Variants in AKAP12 observed in about 807,000 individuals in gnomAD.
AKAP12 encodes A-kinase anchoring protein 12, also known as A-kinase anchor protein 12.
AKAP12 carries 32 observed loss-of-function variants against 79.9 expected under a neutral mutation model. The ratio of observed to expected loss-of-function variants is 0.40; its 90% CI spans 0.30 to 0.54. The LOEUF (loss-of-function observed/expected upper bound fraction) is 0.54. Among genes scored for constraint, AKAP12 ranks in the 20% least tolerant of loss-of-function variants. The probability of loss-of-function intolerance (pLI) is 0.48; values close to 1 mark genes in which losing one functional copy is unlikely to be tolerated. For missense variants in AKAP12, 2,074 were observed against 2,177.0 expected, an observed-to-expected ratio of 0.95 and a Z score of 0.94; for synonymous variants, 808 against 857.0, an observed-to-expected ratio of 0.94 and a Z score of 1.00.
intron 3 of AKAP12, among the ~76,000 whole-genome samples, chr6:151,347,986 ACGGTGAAACCC>A (rs1778148008): frequency 6.6e-6 from 1 of 151,460 alleles, no homozygotes; most frequent in Non-Finnish European, 1.5e-5. Flanking sequence ...TCTGGCTAAC[ACGGTGAAACCC>A]CGTCTCTATA....
Position 151,349,217 on chromosome 6 carries a change from G to T in AKAP12, c.826G>T (p.Glu276Ter). ...KEEGEEKQEK[E>*]PSKSAESPTS... ...GGAAGGAGAAGAGAAACAAGAAAAA[G>T]AACCTAGCAAGTCTGCAGAATCTCC... Residue 276 changes from glutamate to a stop codon, truncating the protein, a stop_gained, in exon 4 of 5, where the codon GAA (glutamate) becomes TAA (stop). Coordinates refer to ENST00000402676, the MANE Select transcript of AKAP12 (RefSeq NM_005100.4). LOFTEE classifies it high-confidence loss of function. 1 of 1,613,904 alleles carries T rather than the reference G, an allele frequency of 6.2e-7. No individual in the cohort carries two copies. The highest frequency in any genetic ancestry group is 1.1e-5 in the South Asian group (1 of 91,080).
chr6:151,267,043 A>G (rs1582843788), intron 2 of AKAP12, among the ~76,000 whole-genome samples: 7 of 146,270 alleles, frequency 4.8e-5, no homozygotes, highest in South Asian at 4.3e-4. Flanking sequence ...AAAAAAAAGG[A>G]GAACATGAAA....
chr6:151,240,704 G>T lies in AKAP12; in HGVS notation c.142G>T (p.Ala48Ser). The change falls in exon 2 of 5, where the codon GCC (alanine) becomes TCC (serine). Residue 48 changes from alanine to serine, a missense_variant. By Grantham distance (99) the Ala-to-Ser change is moderately conservative. Coordinates refer to ENST00000402676, the MANE Select transcript of AKAP12 (RefSeq NM_005100.4). The stretch of plus-strand genomic sequence containing the variant: ...CACCACCGCGGACCCCGCCATCGCT[G>T]CCTCGGACCCCGCCACCAAGGTACG... ...PDTTADPAIA[A>S]SDPATKLLQK... 8.2e-7 allele frequency: 1 copy of T among 1,219,842 alleles called. No homozygotes were observed. The highest frequency in any genetic ancestry group is 2.7e-5 in the South Asian group (1 of 36,386). 75.6% of individuals were successfully genotyped at this position (1,219,842 alleles called of 1,614,324 possible).
At chr6:151,267,959 C>T (rs1776083564) in intron 2 of AKAP12, among the ~76,000 whole-genome samples, 1 of 152,184 alleles carries the variant, frequency 6.6e-6, no homozygotes, top group South Asian at 2.1e-4. Flanking sequence ...GGTCATCGTC[C>T]TTGTGCCCTC....
chr6:151,264,966 A>T (rs1436822119), intron 2 of AKAP12, among the ~76,000 whole-genome samples: 1 of 152,064 alleles, frequency 6.6e-6, no homozygotes, highest in East Asian at 1.9e-4. Context: ...AGCCTGACCA[A>T]CTGGTGAAAC....
At chr6:151,345,965 A>AGAG (rs1562750514) in intron 3 of AKAP12, among the ~76,000 whole-genome samples, 6 of 125,378 alleles carry the variant, frequency 4.8e-5, no homozygotes, top group Non-Finnish European at 8.2e-5. Context: ...GAGAGAGAGA[A>AGAG]AGGAGAGACA....
At chr6:151,282,361 C>T (rs1280379374) in intron 2 of AKAP12, among the ~76,000 whole-genome samples, 16 of 152,150 alleles carry the variant, frequency 1.1e-4, no homozygotes, top group African/African-American at 2.4e-4. Context: ...CCACCCACCT[C>T]GGCCTCCCAA....
Position 151,240,650 on chromosome 6 carries a change from G to A in AKAP12, c.88G>A (p.Gly30Ser), listed in dbSNP as rs1796953026. 4 of 1,332,970 alleles carry A rather than the reference G, an allele frequency of 3.0e-6. No homozygotes were observed. Among genetic ancestry groups the A allele is most frequent in the South Asian group, 1.9e-5 (1 of 51,496 alleles). The allele number at this position is 1,332,970 out of a possible 1,614,324, so 82.6% of individuals were successfully genotyped here. A position where few individuals can be genotyped will look rare whatever the true frequency, so the allele number is the denominator to read the frequency against. Residue 30 changes from glycine (G) to serine (S), a missense_variant, in exon 2 of 5, where the codon GGC becomes AGC. Transcript: ENST00000402676. ...GCCGGCTGAGCCCGAGCCCAGCGGC[G>A]GCGGCCCCTCGGCCGAGGCGGCGCC... ...STPAEPEPSG[G>S]GPSAEAAPDT...
intron 2 of AKAP12, among the ~76,000 whole-genome samples, chr6:151,259,774 A>C (rs1045045038): frequency 6.6e-6 from 1 of 151,810 alleles, no homozygotes; most frequent in East Asian, 1.9e-4. Context: ...ATGGGGTTTC[A>C]GCATGTTGCC....
At chr6:151,249,272 T>C (rs889101492) in intron 2 of AKAP12, among the ~76,000 whole-genome samples, 1 of 152,228 alleles carries the variant, frequency 6.6e-6, no homozygotes, top group African/African-American at 2.4e-5. Context: ...TGTTGAAGAA[T>C]AGAGTTCTGG....
chr6:151,280,421 C>T (rs570965246), intron 2 of AKAP12: 3 of 152,030 alleles, frequency 2.0e-5, no homozygotes, highest in Admixed American at 6.6e-5. Context: ...TGATAAATTT[C>T]TGACACATTT....
At chr6:151,342,344 G>A (rs886127868) in intron 3 of AKAP12, among the ~76,000 whole-genome samples, 7 of 152,228 alleles carry the variant, frequency 4.6e-5, no homozygotes, top group African/African-American at 1.7e-4. Context: ...CATGTGTTTT[G>A]GGGTCAGGAT....
chr6:151,244,380 C>G (rs1797030756), intron 2 of AKAP12, among the ~76,000 whole-genome samples: 1 of 152,074 alleles, frequency 6.6e-6, no homozygotes, highest in Admixed American at 6.6e-5. Context: ...AAAAATTAGC[C>G]AGGCGTGGTG....
intron 3 of AKAP12, among the ~76,000 whole-genome samples, chr6:151,329,312 C>T (rs1359581266): frequency 2.0e-5 from 3 of 152,246 alleles, no homozygotes; most frequent in South Asian, 2.1e-4. Flanking sequence ...GACGAGGTTT[C>T]GCCATGTTGG....
chr6:151,240,436 C>T lies in AKAP12; in HGVS notation c.-127C>T. On this transcript the variant is annotated 5_prime_UTR_variant, in exon 2 of 5. Transcript: ENST00000402676. ...TTCGCAGGCTGGGCGCGTTCGCAGT[C>T]GGCTGGCGGCGAAGGAAGGCGCTCT... 1 of 1,065,242 alleles carries T rather than the reference C, an allele frequency of 9.4e-7. No homozygotes were observed. The allele number at this position is 1,065,242 out of a possible 1,614,324, so 66.0% of individuals were successfully genotyped here.
intron 3 of AKAP12, among the ~76,000 whole-genome samples, chr6:151,333,383 T>C (rs1302049714): frequency 6.6e-6 from 1 of 152,150 alleles, no homozygotes; most frequent in African/African-American, 2.4e-5. Context: ...ATAATGCATT[T>C]AACAGCCTCC....
chr6:151,300,657 G>C lies in AKAP12; in HGVS notation c.163-5090G>C, dbSNP rs1013035048. The stretch of plus-strand genomic sequence containing the variant: ...CTTGGCTACCACTTGGACATTCTTG[G>C]TTGTTGTTCTTACAGAAATGAGAGG... On this transcript the variant is annotated intron_variant, in intron 2 of 4. Coordinates refer to ENST00000402676, the MANE Select transcript of AKAP12 (RefSeq NM_005100.4). Among the ~76,000 whole-genome samples, 85 of 152,006 alleles carry C rather than the reference G, an allele frequency of 5.6e-4. 1 individual carries two copies. Among genetic ancestry groups the C allele is most frequent in the African/African-American group, 2.0e-3 (83 of 41,404 alleles).
chr6:151,330,732 G>T lies in AKAP12; in HGVS notation c.320-17979G>T, dbSNP rs1173167820. Among the ~76,000 whole-genome samples the T allele has an allele frequency of 2.6e-5, 4 of 151,148 alleles. 1 individual carries two copies. Among genetic ancestry groups the T allele is most frequent in the African/African-American group, 9.7e-5 (4 of 41,088 alleles). On this transcript the variant is annotated intron_variant, in intron 3 of 4. Coordinates refer to ENST00000402676, the MANE Select transcript of AKAP12 (RefSeq NM_005100.4). ...TATATAATCAACATATTCCTTTAAA[G>T]TTTTTTTTTCTTTTAAGCCTCTAAA... is the stretch of plus-strand genomic sequence containing the variant.
At chr6:151,345,438 A>T (rs1300542518) in intron 3 of AKAP12, among the ~76,000 whole-genome samples, 3 of 147,808 alleles carry the variant, frequency 2.0e-5, no homozygotes, top group Non-Finnish European at 4.5e-5. Flanking sequence ...AGGTTTTGTT[A>T]AGATCTTTTT....
Sources: allele counts gnomAD v4.1 joint callset (sites outside exome capture counted in the v4.1 genomes callset), GRCh38; gene constraint gnomAD v4.1.1; transcripts MANE v1.5; gene names NCBI Gene and HGNC (gene_info 2026-07-23, HGNC 2026-07-21).